Variants in WDR45B observed in about 807,000 individuals in gnomAD.
WDR45B encodes the protein WD repeat domain phosphoinositide-interacting protein 3.
A neutral mutation model predicts 44.6 loss-of-function variants in WDR45B; 20 were observed. The observed-to-expected ratio is 0.45, with a 90% CI of 0.32 to 0.65. The LOEUF is 0.65. Among genes scored for constraint, WDR45B ranks in the 30% least tolerant of loss-of-function variants. WDR45B has a pLI of 0.05. For synonymous variants in WDR45B, 169 were observed against 164.9 expected (o/e 1.02, Z -0.19); for missense variants, 323 against 430.2 (o/e 0.75, Z 2.20).
At chr17:82,619,006 C>T (rs1230209347) in intron 7 of WDR45B, 37 bp downstream of exon 7, 5 of 1,603,906 alleles carry the variant, frequency 3.1e-6, no homozygotes, top group South Asian at 1.1e-5. Context: ...GCTGTCAGCC[C>T]GAAGTTCTTC....
intron 1 of WDR45B, among the ~76,000 whole-genome samples, chr17:82,645,711 A>G (rs900057206): frequency 1.3e-5 from 2 of 152,050 alleles, no homozygotes; most frequent in African/African-American, 4.8e-5. Context: ...ATTAATCATT[A>G]CTCTTATTAC....
intron 2 of WDR45B, among the ~76,000 whole-genome samples, chr17:82,633,938 C>A (rs896902621): frequency 1.3e-5 from 2 of 151,900 alleles, no homozygotes; most frequent in African/African-American, 4.8e-5. Context: ...CACTTGAGGT[C>A]AGGAGTTTGA....
rs763254931 is a variant in WDR45B at position 82,621,692 on chromosome 17, C to A, written c.535G>T (p.Val179Leu). Residue 179 changes from valine (V) to leucine (L), a missense_variant, in exon 6 of 10, where the codon GTG (valine) becomes TTG (leucine). Coordinates refer to ENST00000392325, the MANE Select transcript of WDR45B (RefSeq NM_019613.4). The part of the protein sequence containing the change: ...VDLASTEKPP[V>L]DIPAHEGVLS... ...ACACCCTCGTGTGCAGGAATGTCCACGGGTGGCTTCTCCGTGCTGGCCAGG... is the reference window on the plus strand; with the variant it reads ...ACACCCTCGTGTGCAGGAATGTCCAAGGGTGGCTTCTCCGTGCTGGCCAGG... 8 of 1,614,202 alleles carry A rather than the reference C, an allele frequency of 5.0e-6. No individual in the cohort carries two copies. The South Asian group carries it at 7.7e-5, about 16-fold the overall frequency.
At chr17:82,628,932 A>G (rs1345413076) in intron 3 of WDR45B, among the ~76,000 whole-genome samples, 1 of 151,120 alleles carries the variant, frequency 6.6e-6, no homozygotes. Flanking sequence ...CTGGGGAGGT[A>G]GAAGCTGCAG....
chr17:82,642,451 G>A (rs1296816704), intron 2 of WDR45B, among the ~76,000 whole-genome samples: 2 of 152,202 alleles, frequency 1.3e-5, no homozygotes, highest in African/African-American at 4.8e-5. Context: ...TGCCGAAAAG[G>A]CTGCAGACCG....
intron 5 of WDR45B, among the ~76,000 whole-genome samples, chr17:82,624,565 TTC>T (rs2045667339): frequency 6.6e-6 from 1 of 151,136 alleles, no homozygotes; most frequent in Non-Finnish European, 1.5e-5. Context: ...CGGCCGACTG[TTC>T]TGTCTTGACT....
At chr17:82,625,655 C>T (rs765909291) in intron 4 of WDR45B, 172 bp from the exon 5 acceptor site, 13 of 673,716 alleles carry the variant, frequency 1.9e-5, no homozygotes, top group Middle Eastern at 3.5e-4. Flanking sequence ...GCCTGGAGCT[C>T]GGCGAGTGCA....
chr17:82,622,106 G>A (rs1316658142), intron 5 of WDR45B, among the ~76,000 whole-genome samples: 4 of 151,814 alleles, frequency 2.6e-5, no homozygotes, highest in East Asian at 3.9e-4. Context: ...CTGTCCGTCC[G>A]TCAGGGTACA....
rs1385511381 is a variant in WDR45B at position 82,615,411 on chromosome 17, C to T, written c.*508G>A. The T allele has an allele frequency of 2.1e-5, 4 of 188,926 alleles. No individual in the cohort carries two copies. The highest frequency in any genetic ancestry group is 2.5e-4 in the East Asian group (2 of 7,980). 11.7% of individuals were successfully genotyped at this position (188,926 alleles called of 1,614,324 possible). A position where few individuals can be genotyped will look rare whatever the true frequency, so the allele number is the denominator to read the frequency against. On this transcript the variant is annotated 3_prime_UTR_variant, in exon 10 of 10. Coordinates refer to ENST00000392325, the MANE Select transcript of WDR45B (RefSeq NM_019613.4). ...GGGTCAGGTCATTTTTCTTCATGTT[C>T]GGGCGGGAAAAGGAATTCCTTTCTC...
Position 82,626,254 on chromosome 17 carries a change from T to C in WDR45B, c.333-771A>G, listed in dbSNP as rs189881864. Among the ~76,000 whole-genome samples the C allele has an allele frequency of 7.5e-4, 113 of 150,568 alleles. 1 individual carries two copies. In the East Asian group the frequency reaches 0.02, roughly 26 times the overall value. ...AAACCCACACAAAAATGCAGGAAAGTTGGCCGGGCGCAGTGGCTCACACCT... is the reference window on the plus strand; with the variant it reads ...AAACCCACACAAAAATGCAGGAAAGCTGGCCGGGCGCAGTGGCTCACACCT... On this transcript the variant is annotated intron_variant, in intron 4 of 9. Transcript: ENST00000392325.
rs544554215 is a variant in WDR45B, at chr17:82,622,368, T to C, written c.428-569A>G. ...ATCACAGCTAACCTCTCAGAAAGGGTTCTTGAAGAAAGACAAGCTGATACT... is the reference window on the plus strand; with the variant it reads ...ATCACAGCTAACCTCTCAGAAAGGGCTCTTGAAGAAAGACAAGCTGATACT... On this transcript the variant is annotated intron_variant, in intron 5 of 9. Coordinates refer to ENST00000392325, the MANE Select transcript of WDR45B (RefSeq NM_019613.4). Among the ~76,000 whole-genome samples, 194 of 152,160 alleles carry C rather than the reference T, an allele frequency of 1.3e-3. 1 individual carries two copies. The highest frequency in any genetic ancestry group is 4.5e-3 in the African/African-American group (186 of 41,498).
intron 5 of WDR45B, 59 bp from the exon 6 acceptor site, chr17:82,621,858 C>T: frequency 6.3e-7 from 1 of 1,581,964 alleles, no homozygotes; most frequent in Non-Finnish European, 8.6e-7. Flanking sequence ...CAGCCAAAGT[C>T]CACTTTCTGC....
chr17:82,618,396 GTGGCCTCTCA>G (rs2045568569), intron 7 of WDR45B, among the ~76,000 whole-genome samples: 1 of 152,234 alleles, frequency 6.6e-6, no homozygotes, highest in Non-Finnish European at 1.5e-5. Context: ...GGGCGGCAGT[GTGGCCTCTCA>G]GACTGTAACA....
rs770494664 is a variant in WDR45B, at chr17:82,648,380, G to C, written c.-40C>G. ...GGGTCGCCGCTCCTCAGCGCTGCAT[G>C]CCTCTCGCTGGGGACGGCGGCCTGG... On this transcript the variant is annotated 5_prime_UTR_variant, in exon 1 of 10. Transcript: ENST00000392325. The C allele has an allele frequency of 6.3e-7, 1 of 1,595,310 alleles. No homozygotes were observed. Among genetic ancestry groups the C allele is most frequent in the Non-Finnish European group, 8.5e-7 (1 of 1,172,918 alleles).
At chr17:82,635,921 C>G (rs1479493379) in intron 2 of WDR45B, among the ~76,000 whole-genome samples, 2 of 151,670 alleles carry the variant, frequency 1.3e-5, no homozygotes, top group Non-Finnish European at 2.9e-5. Flanking sequence ...ACCCCCGTCT[C>G]TACTAAAAAT....
rs778737602 is a variant in WDR45B, at chr17:82,648,281, C to T, written c.60G>A (p.Gln20=). ...GNGLLYAGFN[Q]DHGCFACGME... ...AGGGCCGCGCCTCCTCACCGTGGTC[C>T]TGGTTGAAGCCGGCGTAGAGCAGCC... Residue 20 remains glutamine, a synonymous_variant, in exon 1 of 10, where the codon CAG becomes CAA. Transcript: ENST00000392325. 1 of 1,606,586 alleles carries T rather than the reference C, an allele frequency of 6.2e-7. No individual in the cohort carries two copies. The highest frequency in any genetic ancestry group is 2.3e-5 in the East Asian group (1 of 44,326).
chr17:82,636,277 A>G (rs907761720), intron 2 of WDR45B, among the ~76,000 whole-genome samples: 22 of 151,332 alleles, frequency 1.5e-4, no homozygotes, highest in African/African-American at 5.1e-4. Flanking sequence ...AAAAAAAAAA[A>G]AAGAAGACAA....
rs556051075 is a variant in WDR45B at position 82,629,721 on chromosome 17, G to A, written c.244+1200C>T. The A allele has an allele frequency of 2.6e-5, 26 of 985,432 alleles. No homozygotes were observed. In the East Asian group the frequency reaches 4.5e-4, roughly 17 times the overall value. The allele number at this position is 985,432 out of a possible 1,614,324, so 61.0% of individuals were successfully genotyped here. A position where few individuals can be genotyped will look rare whatever the true frequency, so the allele number is the denominator to read the frequency against. On this transcript the variant is annotated intron_variant, in intron 3 of 9. Coordinates refer to ENST00000392325, the MANE Select transcript of WDR45B (RefSeq NM_019613.4). The stretch of plus-strand genomic sequence containing the variant: ...GCACATTCACGTTCACGCAGTTCAC[G>A]GGGCTCTGCTGAGAACTGTGAGCTG...
At chr17:82,646,572 G>T (rs1316298700) in intron 1 of WDR45B, among the ~76,000 whole-genome samples, 7 of 151,250 alleles carry the variant, frequency 4.6e-5, no homozygotes, top group Non-Finnish European at 2.9e-5. Context: ...ACAGAAGTAG[G>T]CAAAACTAAT....
Sources: gnomAD v4.1 joint callset for allele counts (sites outside exome capture counted in the v4.1 genomes callset) on GRCh38, gnomAD v4.1.1 for gene constraint, MANE v1.5 for transcripts, NCBI Gene and HGNC (gene_info 2026-07-23, HGNC 2026-07-21) for gene names.